The following SPIDR variants were observed in gnomAD, a reference collection of about 807,000 sequenced individuals.
SPIDR encodes scaffold protein involved in DNA repair, also known as DNA repair-scaffolding protein.
In SPIDR, 93 loss-of-function variants were observed where a neutral mutation model predicts 104.6. The observed-to-expected ratio is 0.89, with a 90% CI of 0.75 to 1.06. SPIDR has a LOEUF of 1.06. SPIDR is among the 50% of genes least tolerant of loss of function. The probability of loss-of-function intolerance (pLI) is 0.00; values close to 1 mark genes in which losing one functional copy is unlikely to be tolerated. For missense variants in SPIDR, 1,154 were observed against 1,111.2 expected (o/e 1.04, Z -0.55); for synonymous variants, 431 against 416.9 (o/e 1.03, Z -0.41).
At chr8:47,526,175 G>C (rs1010790577) in intron 8 of SPIDR, among the ~76,000 whole-genome samples, 4 of 152,218 alleles carry the variant, frequency 2.6e-5, no homozygotes, top group African/African-American at 9.6e-5. Flanking sequence ...CACTGAGGCA[G>C]TGCATCCAGT....
At chr8:47,632,445 T>G (rs758381990) in intron 10 of SPIDR, among the ~76,000 whole-genome samples, 39 of 152,238 alleles carry the variant, frequency 2.6e-4, no homozygotes, top group Non-Finnish European at 3.4e-4. Flanking sequence ...CATGTAATTT[T>G]AAGTACCATT....
chr8:47,591,794 A>G (rs2061040320), intron 8 of SPIDR, among the ~76,000 whole-genome samples: 1 of 152,120 alleles, frequency 6.6e-6, no homozygotes, highest in Admixed American at 6.6e-5. Context: ...AAAAAATAAA[A>G]TAAAGAAAAA....
chr8:47,628,587 G>A (rs2066564455), intron 10 of SPIDR, among the ~76,000 whole-genome samples: 1 of 152,072 alleles, frequency 6.6e-6, no homozygotes, highest in Non-Finnish European at 1.5e-5. Context: ...ATTACCTTCA[G>A]GCTATCTGTA....
chr8:47,512,749 G>T (rs920858355), intron 8 of SPIDR, among the ~76,000 whole-genome samples: 3 of 152,182 alleles, frequency 2.0e-5, no homozygotes, highest in African/African-American at 7.2e-5. Context: ...GGAGGAAAAG[G>T]ACAGTTTATA....
chr8:47,309,483 T>G (rs1288543738), intron 5 of SPIDR, among the ~76,000 whole-genome samples: 1 of 152,212 alleles, frequency 6.6e-6, no homozygotes, highest in East Asian at 1.9e-4. Flanking sequence ...AGAAATTATA[T>G]TTTATCTTTT....
At chr8:47,458,350 ATTTTATTT>A (rs2073361353) in intron 8 of SPIDR, among the ~76,000 whole-genome samples, 1 of 145,612 alleles carries the variant, frequency 6.9e-6, no homozygotes, top group Non-Finnish European at 1.5e-5. Context: ...ATTTTATTTT[ATTTTATTT>A]TATTTTATTT....
rs537320193 is a variant in SPIDR, at chr8:47,555,494, G to A, written c.1098-40317G>A. ...TACTTGTGTATAATAATATAATCTAGTAACTTTTAATTTGGTTCCTCAAAA... is the reference window on the plus strand; with the variant it reads ...TACTTGTGTATAATAATATAATCTAATAACTTTTAATTTGGTTCCTCAAAA... On this transcript the variant is annotated intron_variant, in intron 8 of 19. Coordinates refer to ENST00000297423, the MANE Select transcript of SPIDR (RefSeq NM_001080394.4). Among the ~76,000 whole-genome samples, 15 of 152,286 alleles carry A rather than the reference G, an allele frequency of 9.8e-5. No homozygotes were observed. The South Asian group carries it at 3.1e-3, about 32-fold the overall frequency.
intron 5 of SPIDR, among the ~76,000 whole-genome samples, chr8:47,392,534 C>G (rs1725830650): frequency 6.6e-6 from 1 of 152,188 alleles, no homozygotes; most frequent in African/African-American, 2.4e-5. Flanking sequence ...TAGATATTAG[C>G]TAATTCTCAC....
In SPIDR at chr8:47,279,843, T is replaced by C. The variant is rs2037375093; in HGVS notation, c.34-19T>C. The C allele has an allele frequency of 1.3e-6, 2 of 1,577,066 alleles. No homozygotes were observed. The highest frequency in any genetic ancestry group is 2.3e-5 in the South Asian group (2 of 87,498). ...TTGTTTTTTTGTTTCGATTTTTCTT[T>C]TAAAAATCATCTCCACAGAGAAAAA... On this transcript the variant is annotated intron_variant, in intron 1 of 19. Coordinates refer to ENST00000297423, the MANE Select transcript of SPIDR (RefSeq NM_001080394.4).
chr8:47,380,613 G>C (rs189765637), intron 5 of SPIDR, among the ~76,000 whole-genome samples: 83 of 152,180 alleles, frequency 5.5e-4, no homozygotes, highest in African/African-American at 1.8e-3. Flanking sequence ...CCAGGCTGAC[G>C]ATAGGTGGAG....
At position 47,675,425 on chromosome 8, in the gene SPIDR, T is replaced by G. The variant is rs145087328; in HGVS notation, c.1685+1484T>G. On this transcript the variant is annotated intron_variant, in intron 11 of 19. Transcript: ENST00000297423. The stretch of plus-strand genomic sequence containing the variant: ...GCATTATGTATTTGGGGAATGCAGT[T>G]CATCCAGATATTTGGAAAGCATGTC... Among the ~76,000 whole-genome samples, 421 of 152,344 alleles carry G rather than the reference T, an allele frequency of 2.8e-3. 1 individual carries two copies. Among genetic ancestry groups the G allele is most frequent in the African/African-American group, 9.9e-3 (411 of 41,576 alleles).
At chr8:47,612,625 T>C (rs1203670739) in intron 10 of SPIDR, among the ~76,000 whole-genome samples, 1 of 152,170 alleles carries the variant, frequency 6.6e-6, no homozygotes, top group East Asian at 1.9e-4. Flanking sequence ...TAATATCTGG[T>C]CTCTGTTTTA....
intron 11 of SPIDR, among the ~76,000 whole-genome samples, chr8:47,676,913 G>A (rs1048490593): frequency 5.3e-5 from 8 of 152,188 alleles, no homozygotes; most frequent in African/African-American, 1.7e-4. Flanking sequence ...CCAGAGGCTC[G>A]CAGAAAAACA....
At chr8:47,678,587 C>T (rs2076722442) in intron 11 of SPIDR, among the ~76,000 whole-genome samples, 1 of 152,170 alleles carries the variant, frequency 6.6e-6, no homozygotes, top group African/African-American at 2.4e-5. Flanking sequence ...AGGCTCAGAG[C>T]ACCCACTTTG....
intron 6 of SPIDR, among the ~76,000 whole-genome samples, chr8:47,400,634 A>C (rs1266451017): frequency 2.0e-5 from 3 of 151,264 alleles, no homozygotes; most frequent in African/African-American, 7.3e-5. Flanking sequence ...TTTGCCCTGC[A>C]GGAAATGTCA....
At chr8:47,515,841 C>A (rs952398295) in intron 8 of SPIDR, among the ~76,000 whole-genome samples, 1 of 152,198 alleles carries the variant, frequency 6.6e-6, no homozygotes, top group Non-Finnish European at 1.5e-5. Context: ...GACGGAGTCT[C>A]GCTCTGTCAC....
At chr8:47,587,642 G>C (rs1241204341) in intron 8 of SPIDR, among the ~76,000 whole-genome samples, 2 of 149,874 alleles carry the variant, frequency 1.3e-5, no homozygotes, top group Non-Finnish European at 3.0e-5. Flanking sequence ...ATCAACTGGT[G>C]CTGAGCATGG....
chr8:47,660,215 C>T (rs1039892669), intron 10 of SPIDR, among the ~76,000 whole-genome samples: 22 of 152,136 alleles, frequency 1.4e-4, no homozygotes, highest in African/African-American at 4.3e-4. Context: ...ATAAACAAGA[C>T]GTATTTTTAC....
intron 8 of SPIDR, among the ~76,000 whole-genome samples, chr8:47,506,986 AAAC>A (rs1163958973): frequency 2.0e-5 from 3 of 152,176 alleles, no homozygotes; most frequent in Admixed American, 6.5e-5. Context: ...TGAGCCCACT[AAAC>A]AACCTCTGGG....
Sources: allele counts gnomAD v4.1 joint callset (sites outside exome capture counted in the v4.1 genomes callset), GRCh38; gene constraint gnomAD v4.1.1; transcripts MANE v1.5; gene names NCBI Gene and HGNC (gene_info 2026-07-23, HGNC 2026-07-21).